The following USP22 variants were observed in gnomAD, a reference collection of about 807,000 sequenced individuals.
The protein encoded by USP22 is ubiquitin carboxyl-terminal hydrolase 22.
A neutral mutation model predicts 68.1 loss-of-function variants in USP22; 22 were observed. The ratio of observed to expected loss-of-function variants is 0.32; its 90% CI spans 0.23 to 0.46. USP22 has a LOEUF of 0.46. Among genes scored for constraint, USP22 ranks in the 20% least tolerant of loss-of-function variants. The pLI, the probability that USP22 is intolerant of heterozygous loss-of-function variation, is 1.00. For missense variants in USP22, 433 were observed against 695.8 expected (o/e 0.62, Z 4.25); for synonymous variants, 279 against 274.2 (o/e 1.02, Z -0.17).
At chr17:21,010,264 G>A (rs1437071895) in intron 8 of USP22, among the ~76,000 whole-genome samples, 12 of 152,214 alleles carry the variant, frequency 7.9e-5, no homozygotes, top group African/African-American at 2.4e-4. Flanking sequence ...ACTCAACAAG[G>A]ACTCTTCTGC....
intron 1 of USP22, among the ~76,000 whole-genome samples, chr17:21,041,825 G>C (rs1448055789): frequency 1.3e-5 from 2 of 152,204 alleles, no homozygotes; most frequent in Non-Finnish European, 2.9e-5. Flanking sequence ...AAGCCTAACT[G>C]CGGGACGCAA....
rs566174026 is a variant in USP22 at position 21,004,940 on chromosome 17, T to C, written c.1373A>G (p.Asn458Ser). ...AAGCACCACTTACTTGTTGTCATTG[T>C]TGAGACTGTCCGTGGGCTGCTGGTA... Reference protein sequence around the residue: ...GQYQQPTDSLNNDNKYSLFAV... With the variant: ...GQYQQPTDSLSNDNKYSLFAV... Residue 458 changes from asparagine to serine, a missense_variant, in exon 11 of 13, where the codon AAC becomes AGC. Around this residue, in one of 4 missense-constraint regions of USP22, gnomAD observed 178 missense variants for 351.5 expected, o/e 0.51. Coordinates refer to ENST00000261497, the MANE Select transcript of USP22 (RefSeq NM_015276.2). 5.0e-6 allele frequency: 8 copies of C among 1,614,242 alleles called. No homozygotes were observed. In the South Asian group the frequency reaches 7.7e-5, roughly 16 times the overall value.
intron 11 of USP22, 49 bp downstream of exon 11, chr17:21,004,879 A>C: frequency 6.2e-7 from 1 of 1,606,550 alleles, no homozygotes; most frequent in Non-Finnish European, 8.5e-7. Flanking sequence ...GCCCACCCCC[A>C]GCTCTTGGCC....
At chr17:21,006,159 A>T (rs1042348492) in intron 10 of USP22, among the ~76,000 whole-genome samples, 2 of 152,180 alleles carry the variant, frequency 1.3e-5, no homozygotes, top group African/African-American at 2.4e-5. Flanking sequence ...GTTTTTGGTC[A>T]TTTGTCACAG....
At chr17:21,016,984 CCCA>C (rs1972091136) in intron 5 of USP22, among the ~76,000 whole-genome samples, 1 of 152,202 alleles carries the variant, frequency 6.6e-6, no homozygotes, top group African/African-American at 2.4e-5. Flanking sequence ...GATACAACCA[CCCA>C]CCAACTTCCC....
At chr17:21,038,990 C>A (rs371350820) in intron 1 of USP22, among the ~76,000 whole-genome samples, 1 of 151,904 alleles carries the variant, frequency 6.6e-6, no homozygotes, top group Admixed American at 6.6e-5. Context: ...CTCGCTCTGT[C>A]GCCCAGGCTG....
chr17:21,043,400 C>G (rs1056163195), upstream of USP22: 12 of 365,612 alleles, frequency 3.3e-5, no homozygotes, highest in East Asian at 5.2e-4. Context: ...CTAGACGTTC[C>G]CTGTCTCTTC....
chr17:21,041,711 A>T (rs1972434749), intron 1 of USP22, among the ~76,000 whole-genome samples: 3 of 152,192 alleles, frequency 2.0e-5, no homozygotes, highest in Admixed American at 2.0e-4. Context: ...TGCCCTCACA[A>T]CTCCCAATCT....
chr17:21,026,193 G>C (rs1690012464), intron 2 of USP22, among the ~76,000 whole-genome samples: 1 of 152,196 alleles, frequency 6.6e-6, no homozygotes, highest in Non-Finnish European at 1.5e-5. Context: ...GAGAGGCGGA[G>C]GTTGCAGTGA....
At chr17:21,017,811 A>T in intron 5 of USP22, 131 bp downstream of exon 5, 1 of 1,157,816 alleles carries the variant, frequency 8.6e-7, no homozygotes, top group Non-Finnish European at 1.2e-6. Flanking sequence ...ATAGACATGT[A>T]TATTAAACAT....
Position 21,004,276 on chromosome 17 carries a change from G to A in USP22, c.1461C>T (p.His487=). Residue 487 remains histidine, a synonymous_variant, in exon 12 of 13, where the codon CAC becomes CAT. Coordinates refer to ENST00000261497, the MANE Select transcript of USP22 (RefSeq NM_015276.2). Reference sequence around the variant, plus strand: ...CGTCACACTTGAACCACTGGTCTTTGTGCTGCCGGATAAAGCTGGTGTAGT... The same window carrying A: ...CGTCACACTTGAACCACTGGTCTTTATGCTGCCGGATAAAGCTGGTGTAGT... ...SGHYTSFIRQ[H]KDQWFKCDDA... is the part of the protein sequence containing the mutation. 6.2e-7 allele frequency: 1 copy of A among 1,614,182 alleles called. No individual in the cohort carries two copies. The highest frequency in any genetic ancestry group is 8.5e-7 in the Non-Finnish European group (1 of 1,180,036).
At chr17:21,025,758 T>C (rs1424103855) in intron 2 of USP22, among the ~76,000 whole-genome samples, 2 of 152,338 alleles carry the variant, frequency 1.3e-5, no homozygotes, top group East Asian at 3.9e-4. Flanking sequence ...CCACATGTTA[T>C]ATGATTCCAC....
chr17:21,019,497 G>T (rs777751889), intron 3 of USP22, among the ~76,000 whole-genome samples: 2 of 152,258 alleles, frequency 1.3e-5, no homozygotes, highest in Non-Finnish European at 2.9e-5. Context: ...TCAGCACAGA[G>T]ATGGCAGCAT....
intron 7 of USP22, chr17:21,011,637 C>T (rs563706749): frequency 5.7e-5 from 18 of 314,178 alleles, no homozygotes; most frequent in Non-Finnish European, 1.0e-4. Context: ...TCTGAATCCA[C>T]AGGTCTATCT....
intron 10 of USP22, among the ~76,000 whole-genome samples, chr17:21,006,327 C>T (rs1314006734): frequency 3.3e-5 from 5 of 152,162 alleles, no homozygotes; most frequent in African/African-American, 1.2e-4. Flanking sequence ...TAAAATGTTG[C>T]CTTCTCGCTG....
intron 1 of USP22, among the ~76,000 whole-genome samples, chr17:21,040,392 AG>A (rs1972412119): frequency 6.6e-6 from 1 of 152,192 alleles, no homozygotes; most frequent in African/African-American, 2.4e-5. Flanking sequence ...CCCCAGTCAG[AG>A]GAAAAAGCAT....
chr17:21,012,147 G>A (rs962003013), intron 7 of USP22, among the ~76,000 whole-genome samples: 3 of 152,158 alleles, frequency 2.0e-5, no homozygotes, highest in Non-Finnish European at 4.4e-5. Flanking sequence ...ACAGAGCCAG[G>A]CACGGTGGCC....
At chr17:21,017,834 A>G (rs1202569582) in intron 5 of USP22, 108 bp downstream of exon 5, 1 of 1,364,520 alleles carries the variant, frequency 7.3e-7, no homozygotes, top group Non-Finnish European at 1.0e-6. Flanking sequence ...ACTTACTACA[A>G]AAGGTTCTAA....
chr17:21,012,796 T>C, intron 7 of USP22, 34 bp downstream of exon 7: 1 of 1,590,040 alleles, frequency 6.3e-7, no homozygotes, highest in Non-Finnish European at 8.6e-7. Context: ...CCCCAGAGGG[T>C]TTGATATTGC....
Sources: gnomAD v4.1 joint callset for allele counts (sites outside exome capture counted in the v4.1 genomes callset) on GRCh38, gnomAD v4.1.1 for gene constraint, gnomAD v4.1.1 regional missense constraint, MANE v1.5 for transcripts, NCBI Gene and HGNC (gene_info 2026-07-23, HGNC 2026-07-21) for gene names.